The following CHST11 variants were observed in gnomAD, a reference collection of about 807,000 sequenced individuals.
The protein encoded by CHST11 is carbohydrate sulfotransferase 11.
A neutral mutation model predicts 30.4 loss-of-function variants in CHST11; 9 were observed. The observed-to-expected ratio is 0.30, with a 90% CI of 0.18 to 0.52. The LOEUF is 0.52. Among genes scored for constraint, CHST11 ranks in the 20% least tolerant of loss-of-function variants. The probability of loss-of-function intolerance (pLI) is 0.97; values close to 1 mark genes in which losing one functional copy is unlikely to be tolerated. For synonymous variants in CHST11, 152 were observed against 187.8 expected (o/e 0.81, Z 1.56); for missense variants, 348 against 460.6 (o/e 0.76, Z 2.24).
At chr12:104,534,091 G>T (rs1313539042) in intron 1 of CHST11, among the ~76,000 whole-genome samples, 1 of 152,142 alleles carries the variant, frequency 6.6e-6, no homozygotes. Context: ...CTTTGGCAAG[G>T]TTCATGTTGA....
chr12:104,691,105 G>A (rs772432678), intron 2 of CHST11, among the ~76,000 whole-genome samples: 2 of 152,296 alleles, frequency 1.3e-5, no homozygotes, highest in Admixed American at 6.5e-5. Flanking sequence ...GGTTCTAGCC[G>A]CAGTCCTGTC....
rs757650726 is a variant in CHST11 at position 104,676,894 on chromosome 12, A to G, written c.204+74903A>G. On this transcript the variant is annotated intron_variant, in intron 2 of 2. Coordinates refer to ENST00000303694, the MANE Select transcript of CHST11 (RefSeq NM_018413.6). The surrounding 1 kb of genome is among the most constrained non-coding windows in gnomAD (Gnocchi z 4.4). Reference sequence around the variant, plus strand: ...CTGCCTAGCACAGATGGCCATTCTCATCGTGCCAGGGTGCTGGCACATTCT... The same window carrying G: ...CTGCCTAGCACAGATGGCCATTCTCGTCGTGCCAGGGTGCTGGCACATTCT... Among the ~76,000 whole-genome samples the G allele has an allele frequency of 1.3e-5, 2 of 152,192 alleles. No homozygotes were observed. Among genetic ancestry groups the G allele is most frequent in the Non-Finnish European group, 1.5e-5 (1 of 68,036 alleles).
intron 1 of CHST11, among the ~76,000 whole-genome samples, chr12:104,572,174 T>C (rs539652142): frequency 6.3e-4 from 96 of 152,058 alleles, no homozygotes; most frequent in African/African-American, 2.3e-3. Flanking sequence ...TCTAAAATTC[T>C]CTTTTTTTGT....
At chr12:104,645,823 C>T (rs2039423571) in intron 2 of CHST11, among the ~76,000 whole-genome samples, 2 of 152,360 alleles carry the variant, frequency 1.3e-5, no homozygotes, top group Middle Eastern at 3.4e-3. Flanking sequence ...GAGCACCACT[C>T]TTTATCCTAA....
intron 1 of CHST11, among the ~76,000 whole-genome samples, chr12:104,523,264 C>G (rs908345128): frequency 2.0e-5 from 3 of 152,316 alleles, no homozygotes; most frequent in African/African-American, 7.2e-5. Flanking sequence ...CTCTGTCCCT[C>G]CTCCTCTGGC....
intron 1 of CHST11, among the ~76,000 whole-genome samples, chr12:104,547,200 A>T (rs1209155299): frequency 6.6e-6 from 1 of 152,192 alleles, no homozygotes; most frequent in East Asian, 1.9e-4. Flanking sequence ...CGAGGACTGG[A>T]TACAGGAGAA....
chr12:104,758,574 A>G lies in CHST11; in HGVS notation c.*771A>G, dbSNP rs1483048008. 6.6e-6 allele frequency: 1 copy of G among 152,200 alleles called. No homozygotes were observed. Among genetic ancestry groups the G allele is most frequent in the East Asian group, 1.9e-4 (1 of 5,190 alleles). 9.4% of individuals were successfully genotyped at this position (152,200 alleles called of 1,614,324 possible). On this transcript the variant is annotated 3_prime_UTR_variant, in exon 3 of 3. Transcript: ENST00000303694. ...CAAATATTTATTGAGCATCTACTAT[A>G]TACTAGGCCCTGAAGATAGAGCGTT...
In CHST11 at chr12:104,525,087, A is replaced by G. The variant is rs374425839; in HGVS notation, c.118+67558A>G. Among the ~76,000 whole-genome samples the G allele has an allele frequency of 9.0e-4, 132 of 147,412 alleles. 1 individual carries two copies. The highest frequency in any genetic ancestry group is 3.1e-3 in the African/African-American group (122 of 39,968). On this transcript the variant is annotated intron_variant, in intron 1 of 2. Transcript: ENST00000303694. ...GTAATTTATTAAGGTATCCAATGGAATTCTTTCCTTTTTTCTTTCTTTTTT... is the reference window on the plus strand; with the variant it reads ...GTAATTTATTAAGGTATCCAATGGAGTTCTTTCCTTTTTTCTTTCTTTTTT...
chr12:104,499,346 C>T (rs1364690101), intron 1 of CHST11, among the ~76,000 whole-genome samples: 1 of 152,138 alleles, frequency 6.6e-6, no homozygotes, highest in African/African-American at 2.4e-5. Context: ...TCAGTTAGAA[C>T]TGCTTGTACC....
chr12:104,462,748 A>T (rs780225485), intron 1 of CHST11, among the ~76,000 whole-genome samples: 7 of 152,238 alleles, frequency 4.6e-5, no homozygotes, highest in Non-Finnish European at 7.3e-5. Flanking sequence ...CCCCATAAAT[A>T]TATACAACTA....
chr12:104,593,787 A>C (rs1480597143), intron 1 of CHST11, among the ~76,000 whole-genome samples: 1 of 152,204 alleles, frequency 6.6e-6, no homozygotes, highest in Non-Finnish European at 1.5e-5. Flanking sequence ...GCTGGTGGTA[A>C]GTAATAGAGA....
rs2037364341 is a variant in CHST11 at position 104,457,522 on chromosome 12, GCACC to G, written c.114_117del (p.His38GlnfsTer47). 6.2e-7 allele frequency: 1 copy of G among 1,609,756 alleles called. No homozygotes were observed. The highest frequency in any genetic ancestry group is 1.7e-5 in the Admixed American group (1 of 60,008). The stretch of plus-strand genomic sequence containing the variant: ...TCATCTTCTATTTCCAAAGTATGTT[GCACC>G]CAGGTAGGGGGCGCGTTAGCGTGGT... On this transcript the variant is annotated frameshift_variant, in exon 1 of 3. Transcript: ENST00000303694. LOFTEE classifies it high-confidence loss of function.
chr12:104,591,788 A>C (rs1257848267), intron 1 of CHST11: 2 of 154,052 alleles, frequency 1.3e-5, no homozygotes, highest in East Asian at 3.9e-4. Context: ...GGATTTAATG[A>C]GTTGTGACTA....
At chr12:104,686,808 T>A (rs2039850855) in intron 2 of CHST11, among the ~76,000 whole-genome samples, 1 of 152,086 alleles carries the variant, frequency 6.6e-6, no homozygotes, top group Admixed American at 6.6e-5. Context: ...CCACCACGCC[T>A]GGCTAATTTT....
At chr12:104,507,962 T>G (rs2135979253) in intron 1 of CHST11, among the ~76,000 whole-genome samples, 1 of 152,268 alleles carries the variant, frequency 6.6e-6, no homozygotes, top group South Asian at 2.1e-4. Flanking sequence ...CCAAGGTGTA[T>G]GGAATTGGGG....
chr12:104,651,771 C>T (rs2039492000), intron 2 of CHST11, among the ~76,000 whole-genome samples: 1 of 152,212 alleles, frequency 6.6e-6, no homozygotes, highest in Admixed American at 6.5e-5. Flanking sequence ...AAAAATGCCT[C>T]CTGCTTTCTA....
At chr12:104,565,258 ATT>A (rs66825272) in intron 1 of CHST11, among the ~76,000 whole-genome samples, 119 of 72,912 alleles carry the variant, frequency 1.6e-3, no homozygotes, top group African/African-American at 4.3e-3. Context: ...GTTTTCTAGG[ATT>A]TTTTTTTTTT....
At chr12:104,675,311 C>G (rs192733156) in intron 2 of CHST11, among the ~76,000 whole-genome samples, 1 of 152,216 alleles carries the variant, frequency 6.6e-6, no homozygotes, top group African/African-American at 2.4e-5. Flanking sequence ...GTTATGCTCA[C>G]GTCTTGATGG....
chr12:104,509,878 T>C (rs537256862), intron 1 of CHST11, among the ~76,000 whole-genome samples: 1 of 152,346 alleles, frequency 6.6e-6, no homozygotes, highest in East Asian at 1.9e-4. Context: ...AAAAACTTAA[T>C]TTCCCACTGA....
Sources: allele counts gnomAD v4.1 joint callset (sites outside exome capture counted in the v4.1 genomes callset), GRCh38; gene constraint gnomAD v4.1.1; non-coding constraint Gnocchi (gnomAD v3.1); transcripts MANE v1.5; gene names NCBI Gene and HGNC (gene_info 2026-07-23, HGNC 2026-07-21).